CPO: variants seen among roughly 807,000 people sequenced by gnomAD.
CPO encodes the protein carboxypeptidase O.
Under a neutral mutation model 41.2 loss-of-function variants are expected in CPO, and 43 were observed. The ratio of observed to expected loss-of-function variants is 1.04; its 90% confidence interval spans 0.82 to 1.35. The LOEUF (loss-of-function observed/expected upper bound fraction) is 1.35, where lower values mean the gene tolerates loss of function less well. CPO is among the 40% of genes most tolerant of loss of function. CPO has a pLI of 0.00. For synonymous variants in CPO, 178 were observed against 162.7 expected (o/e 1.09, Z -0.72); for missense variants, 408 against 451.7 (o/e 0.90, Z 0.88).
intron 4 of CPO, among the ~76,000 whole-genome samples, chr2:206,959,120 A>T (rs906241206): frequency 6.6e-6 from 1 of 152,198 alleles, no homozygotes; most frequent in Non-Finnish European, 1.5e-5. Context: ...GAGACTTAGC[A>T]TATGGAAAAT....
In CPO at chr2:206,969,396, T is replaced by C. The variant is rs995355612; in HGVS notation, c.1085T>C (p.Met362Thr). 1.2e-6 allele frequency: 2 copies of C among 1,614,134 alleles called. No individual in the cohort carries two copies. Among genetic ancestry groups the C allele is most frequent in the African/African-American group, 1.3e-5 (1 of 75,054 alleles). ...GCTGGAAGGGTGACATCTGCCACTA[T>C]GCTGCTGGGCCTGCTGGTGTCCTGC... ...DSAGRVTSATMLLGLLVSCMS... is the reference protein window; with the variant it reads ...DSAGRVTSATTLLGLLVSCMS... Residue 362 changes from methionine to threonine, a missense_variant, in exon 9 of 9, where the codon ATG becomes ACG. Coordinates refer to ENST00000272852, the MANE Select transcript of CPO (RefSeq NM_173077.3).
intron 1 of CPO, among the ~76,000 whole-genome samples, chr2:206,946,365 C>G (rs1220813320): frequency 6.6e-6 from 1 of 152,052 alleles, no homozygotes; most frequent in Non-Finnish European, 1.5e-5. Context: ...TACCCACAGG[C>G]TGAAGAAGAA....
chr2:206,959,817 C>G, intron 5 of CPO, 76 bp downstream of exon 5: 3 of 687,312 alleles, frequency 4.4e-6, no homozygotes, highest in Middle Eastern at 2.5e-4. Context: ...CCAATGTTAT[C>G]CATTCCGGCT....
At chr2:206,959,530 G>A (rs750196625) in intron 4 of CPO, 101 bp from the exon 5 acceptor site, 26 of 647,256 alleles carry the variant, frequency 4.0e-5, no homozygotes, top group Non-Finnish European at 7.1e-5. Flanking sequence ...GGGTGGAGGT[G>A]TGATGTACAG....
intron 3 of CPO, among the ~76,000 whole-genome samples, chr2:206,957,148 C>T (rs1359233490): frequency 6.6e-5 from 10 of 151,936 alleles, no homozygotes; most frequent in African/African-American, 1.9e-4. Context: ...GAGGCTGAGG[C>T]GGGTGGAACA....
intron 6 of CPO, 76 bp from the exon 7 acceptor site, chr2:206,962,336 A>G: frequency 7.6e-7 from 1 of 1,318,982 alleles, no homozygotes; most frequent in East Asian, 2.3e-5. Context: ...GGCCCTGAGT[A>G]TGGATGACTC....
At chr2:206,941,496 A>C (rs941762060) in intron 1 of CPO, among the ~76,000 whole-genome samples, 2 of 152,212 alleles carry the variant, frequency 1.3e-5, no homozygotes, top group South Asian at 4.1e-4. Context: ...CGTACAATGA[A>C]CATGACATAA....
chr2:206,943,674 T>TGATAGATAGATA (rs71987761), intron 1 of CPO, among the ~76,000 whole-genome samples: 36 of 106,612 alleles, frequency 3.4e-4, no homozygotes, highest in Non-Finnish European at 4.8e-4. Flanking sequence ...GATAGATAGA[T>TGATAGATAGATA]GATAGATAGA....
At chr2:206,953,128 AC>A (rs1468999894) in intron 2 of CPO, among the ~76,000 whole-genome samples, 1 of 152,088 alleles carries the variant, frequency 6.6e-6, no homozygotes, top group Non-Finnish European at 1.5e-5. Flanking sequence ...CATATATTCC[AC>A]CGCTGGCCCT....
rs114173260 is a variant in CPO, at chr2:206,946,325, C to T, written c.69-3292C>T. Among the ~76,000 whole-genome samples, 569 of 152,226 alleles carry T rather than the reference C, an allele frequency of 3.7e-3. 5 individuals are homozygous for T. Among genetic ancestry groups the T allele is most frequent in the African/African-American group, 0.013 (557 of 41,544 alleles). On this transcript the variant is annotated intron_variant, in intron 1 of 8. Coordinates refer to ENST00000272852, the MANE Select transcript of CPO (RefSeq NM_173077.3). ...TCCCAGGTATGCAAAGCTGGTTCAA[C>T]GTTCAAAAATCAATTAGTACTATCT...
intron 2 of CPO, among the ~76,000 whole-genome samples, chr2:206,954,660 A>G (rs1378232882): frequency 6.6e-6 from 1 of 152,184 alleles, no homozygotes; most frequent in Non-Finnish European, 1.5e-5. Flanking sequence ...GTACTCTACT[A>G]GTACCAATAT....
intron 7 of CPO, among the ~76,000 whole-genome samples, chr2:206,965,658 G>A (rs755491669): frequency 4.6e-5 from 7 of 151,952 alleles, no homozygotes; most frequent in Non-Finnish European, 1.0e-4. Context: ...CCCCTACTAG[G>A]CCAGAGCTTT....
chr2:206,964,047 C>G (rs561090001), intron 7 of CPO, among the ~76,000 whole-genome samples: 3 of 152,274 alleles, frequency 2.0e-5, no homozygotes, highest in Admixed American at 6.5e-5. Flanking sequence ...TCTTTCTATG[C>G]AAATGCTGAG....
At chr2:206,951,125 C>T (rs1482736335) in intron 2 of CPO, among the ~76,000 whole-genome samples, 1 of 151,820 alleles carries the variant, frequency 6.6e-6, no homozygotes, top group Non-Finnish European at 1.5e-5. Flanking sequence ...TTGCATGTAC[C>T]TTTTAAGTAT....
intron 7 of CPO, among the ~76,000 whole-genome samples, chr2:206,963,405 T>G (rs1693516401): frequency 6.6e-6 from 1 of 152,248 alleles, no homozygotes; most frequent in Non-Finnish European, 1.5e-5. Flanking sequence ...AGTATACAGT[T>G]CAGTAGTGTT....
intron 7 of CPO, among the ~76,000 whole-genome samples, chr2:206,963,005 G>A (rs536521007): frequency 1.1e-4 from 17 of 152,288 alleles, no homozygotes; most frequent in African/African-American, 3.4e-4. Flanking sequence ...AGTGGAATAT[G>A]GCATATCTAA....
At chr2:206,954,909 A>G (rs1170739603) in intron 2 of CPO, among the ~76,000 whole-genome samples, 1 of 152,180 alleles carries the variant, frequency 6.6e-6, no homozygotes, top group African/African-American at 2.4e-5. Context: ...AGACTTATTC[A>G]CTATCATGAG....
intron 5 of CPO, among the ~76,000 whole-genome samples, chr2:206,960,140 T>C (rs1693450901): frequency 6.6e-6 from 1 of 152,200 alleles, no homozygotes; most frequent in Non-Finnish European, 1.5e-5. Flanking sequence ...CAGCCTACAT[T>C]TTTCAATGCA....
intron 2 of CPO, among the ~76,000 whole-genome samples, chr2:206,950,254 A>C (rs1459422029): frequency 6.6e-6 from 1 of 152,250 alleles, no homozygotes; most frequent in African/African-American, 2.4e-5. Flanking sequence ...AGAAAAAACA[A>C]ACAACCCCAT....
Sources: allele counts gnomAD v4.1 joint callset (sites outside exome capture counted in the v4.1 genomes callset), GRCh38; gene constraint gnomAD v4.1.1; transcripts MANE v1.5; gene names NCBI Gene and HGNC (gene_info 2026-07-23, HGNC 2026-07-21).